UNC5A: variants seen among roughly 807,000 people sequenced by gnomAD.
UNC5A encodes the protein netrin receptor UNC5A.
UNC5A carries 20 observed loss-of-function variants against 87.4 expected under a neutral mutation model. That is an observed-to-expected ratio of 0.23 (90% CI 0.16 to 0.33). The LOEUF (loss-of-function observed/expected upper bound fraction) is 0.33, where lower values mean the gene tolerates loss of function less well. Ranked by LOEUF, UNC5A falls within the 10% of genes least tolerant of loss-of-function variation. The pLI is 1.00. For missense variants in UNC5A, 844 were observed against 1,133.4 expected (o/e 0.74, Z 3.67); for synonymous variants, 438 against 482.3 (o/e 0.91, Z 1.20).
In UNC5A at chr5:176,842,452, C is replaced by T. The variant is rs550296883; in HGVS notation, c.71-20172C>T. Reference sequence around the variant, plus strand: ...AATTCACAATTGCACAGTCGTGGAACCAACTCAAATGCCCGTCAATCAACA... The same window carrying T: ...AATTCACAATTGCACAGTCGTGGAATCAACTCAAATGCCCGTCAATCAACA... On this transcript the variant is annotated intron_variant, in intron 1 of 14. Transcript: ENST00000329542. Among the ~76,000 whole-genome samples the T allele has an allele frequency of 2.6e-4, 40 of 151,410 alleles. No individual in the cohort carries two copies. The Middle Eastern group carries it at 0.01, about 39-fold the overall frequency.
chr5:176,874,392 C>T lies in UNC5A; in HGVS notation c.1204C>T (p.Pro402Ser). ...GCTCACCAATGGGCACCTGCTCAGC[C>T]CCCTGGGTGGCGGCCGCCACACACT... ...FQLTNGHLLSPLGGGRHTLHH... is the reference protein window; with the variant it reads ...FQLTNGHLLSSLGGGRHTLHH... Residue 402 changes from proline to serine, a missense_variant, in exon 8 of 15, where the codon CCC becomes TCC. Pro to Ser is a moderately conservative substitution (Grantham distance 74, BLOSUM62 -1). Coordinates refer to ENST00000329542, the MANE Select transcript of UNC5A (RefSeq NM_133369.3). The surrounding 1 kb of genome is among the most constrained non-coding windows in gnomAD (Gnocchi z 7.6). The T allele has an allele frequency of 6.2e-7, 1 of 1,613,770 alleles. No individual in the cohort carries two copies. The highest frequency in any genetic ancestry group is 8.5e-7 in the Non-Finnish European group (1 of 1,179,962).
intron 1 of UNC5A, among the ~76,000 whole-genome samples, chr5:176,856,630 G>A (rs1331054935): frequency 6.6e-6 from 1 of 152,144 alleles, no homozygotes; most frequent in Non-Finnish European, 1.5e-5. Flanking sequence ...GACAAAAAGT[G>A]TGGATCCAGA....
intron 1 of UNC5A, among the ~76,000 whole-genome samples, chr5:176,811,746 G>A (rs969081240): frequency 1.3e-5 from 2 of 152,100 alleles, no homozygotes; most frequent in African/African-American, 4.8e-5. Flanking sequence ...TGGTGGTGGG[G>A]GGTGGGTGCC....
chr5:176,867,211 C>CT (rs1227600776), intron 2 of UNC5A, among the ~76,000 whole-genome samples: 1 of 152,194 alleles, frequency 6.6e-6, no homozygotes, highest in Non-Finnish European at 1.5e-5. Flanking sequence ...AGCAAACAGT[C>CT]TTTTCTCACT....
intron 1 of UNC5A, among the ~76,000 whole-genome samples, chr5:176,830,671 TGTGGGAGTGTGTGCTG>T (rs1756988010): frequency 1.4e-5 from 2 of 140,876 alleles, no homozygotes; most frequent in Admixed American, 7.1e-5. Flanking sequence ...TGCTGGTGTG[TGTGGGAGTGTGTGCTG>T]GCATGTGTGT....
intron 2 of UNC5A, among the ~76,000 whole-genome samples, chr5:176,864,129 C>T (rs571490894): frequency 3.1e-4 from 47 of 152,074 alleles, no homozygotes; most frequent in African/African-American, 1.1e-3. Context: ...AAGGGCAGGC[C>T]GGGGACCTTG....
chr5:176,854,797 G>A lies in UNC5A; in HGVS notation c.71-7827G>A, dbSNP rs532707931. Among the ~76,000 whole-genome samples, 81 of 152,346 alleles carry A rather than the reference G, an allele frequency of 5.3e-4. No individual in the cohort carries two copies. In the Middle Eastern group the frequency reaches 0.01, roughly 19 times the overall value. The stretch of plus-strand genomic sequence containing the variant: ...CAGGCTGTGGGGATGGGTGGTCCCT[G>A]CCCTCAAGGCCCTGACAATTTATAT... On this transcript the variant is annotated intron_variant, in intron 1 of 14. Transcript: ENST00000329542.
Position 176,868,884 on chromosome 5 carries a change from C to T in UNC5A, c.641C>T (p.Ala214Val). Reference protein sequence around the residue: ...HSLVVRQARLADTANYTCVAK... With the variant: ...HSLVVRQARLVDTANYTCVAK... ...CTGGTGGTGCGACAGGCCCGCCTTG[C>T]TGACACGGCCAACTACACCTGCGTG... Residue 214 changes from alanine (A) to valine (V), a missense_variant, in exon 5 of 15, where the codon GCT (alanine) becomes GTT (valine). Physicochemically the swap from Ala to Val is moderately conservative, Grantham distance 64. Around this residue, in one of 3 missense-constraint regions of UNC5A, gnomAD observed 314 missense variants for 466.5 expected, o/e 0.67. Coordinates refer to ENST00000329542, the MANE Select transcript of UNC5A (RefSeq NM_133369.3). 6.2e-7 allele frequency: 1 copy of T among 1,612,868 alleles called. No individual in the cohort carries two copies. The highest frequency in any genetic ancestry group is 8.5e-7 in the Non-Finnish European group (1 of 1,179,860).
chr5:176,866,575 A>T lies in UNC5A; in HGVS notation c.293-1555A>T, dbSNP rs1430379061. 6.6e-6 allele frequency among the ~76,000 whole-genome samples: 1 copy of T among 152,162 alleles called. No individual in the cohort carries two copies. Among genetic ancestry groups the T allele is most frequent in the Admixed American group, 6.5e-5 (1 of 15,282 alleles). On this transcript the variant is annotated intron_variant, in intron 2 of 14. Coordinates refer to ENST00000329542, the MANE Select transcript of UNC5A (RefSeq NM_133369.3). This position sits in a 1 kb window ranked among gnomAD's most constrained non-coding sequence, Gnocchi z 5.0. ...GGAGGAACCATTAACAGACTTGTCC[A>T]CCCAAGGGAGAAAAAGTACCCAGTT...
intron 1 of UNC5A, among the ~76,000 whole-genome samples, chr5:176,845,621 G>A (rs921920170): frequency 1.3e-5 from 2 of 152,188 alleles, no homozygotes; most frequent in Non-Finnish European, 2.9e-5. Context: ...TCTGTACTGC[G>A]GTGAGCCAGG....
At chr5:176,864,126 G>A (rs996077154) in intron 2 of UNC5A, among the ~76,000 whole-genome samples, 6 of 151,988 alleles carry the variant, frequency 3.9e-5, no homozygotes, top group African/African-American at 1.4e-4. Context: ...GCCAAGGGCA[G>A]GCCGGGGACC....
intron 1 of UNC5A, among the ~76,000 whole-genome samples, chr5:176,837,223 A>G (rs1326794621): frequency 6.6e-6 from 1 of 151,812 alleles, no homozygotes; most frequent in African/African-American, 2.4e-5. Context: ...TTCTGTCTCC[A>G]GCTTGCCCCT....
At chr5:176,864,941 C>A in intron 2 of UNC5A, 1 of 419,174 alleles carries the variant, frequency 2.4e-6, no homozygotes. Context: ...AGCAGCAGGG[C>A]CCACCTTGTC....
chr5:176,848,235 A>G lies in UNC5A; in HGVS notation c.71-14389A>G, dbSNP rs1232691836. On this transcript the variant is annotated intron_variant, in intron 1 of 14. Transcript: ENST00000329542. This position sits in a 1 kb window ranked among gnomAD's most constrained non-coding sequence, Gnocchi z 5.8. ...CAGCCTGGTGTGACATCCTTTAGGG[A>G]CCCTTGGGGAGGGGGTACCCCAGCT... Among the ~76,000 whole-genome samples the G allele has an allele frequency of 6.6e-6, 1 of 151,520 alleles. No homozygotes were observed. Among genetic ancestry groups the G allele is most frequent in the Non-Finnish European group, 1.5e-5 (1 of 67,838 alleles).
At chr5:176,868,050 G>A (rs1758016808) in intron 2 of UNC5A, 80 bp from the exon 3 acceptor site, 1 of 1,402,296 alleles carries the variant, frequency 7.1e-7, no homozygotes, top group Non-Finnish European at 9.7e-7. Context: ...AGCGAGAGTG[G>A]CTGAGGGTGG....
chr5:176,839,219 A>G (rs1757211329), intron 1 of UNC5A, among the ~76,000 whole-genome samples: 2 of 152,202 alleles, frequency 1.3e-5, no homozygotes, highest in Non-Finnish European at 2.9e-5. Context: ...CACAGCACCT[A>G]GCACATGCTC....
Position 176,820,648 on chromosome 5 carries a change from C to T in UNC5A, c.70+9828C>T, listed in dbSNP as rs1411877554. ...CTGGTCCATGGGGATCCCAGCAGGC[C>T]TCTCACGGTCCCTCCTTCCTTTGGT... On this transcript the variant is annotated intron_variant, in intron 1 of 14. Transcript: ENST00000329542. 2.0e-5 allele frequency among the ~76,000 whole-genome samples: 3 copies of T among 152,200 alleles called. No homozygotes were observed. The East Asian group carries it at 5.8e-4, about 29-fold the overall frequency.
intron 1 of UNC5A, among the ~76,000 whole-genome samples, chr5:176,823,555 T>G (rs1274503852): frequency 6.6e-6 from 1 of 151,974 alleles, no homozygotes; most frequent in East Asian, 1.9e-4. Context: ...AAGGTGGATT[T>G]ACTTGGTTCT....
chr5:176,878,631 A>G lies in UNC5A; in HGVS notation c.2176A>G (p.Ile726Val), dbSNP rs747472138. The G allele has an allele frequency of 3.7e-6, 6 of 1,611,596 alleles. No homozygotes were observed. The highest frequency in any genetic ancestry group is 4.2e-6 in the Non-Finnish European group (5 of 1,179,274). The change falls in exon 13 of 15, where the codon ATC becomes GTC. Residue 726 changes from isoleucine to valine, a missense_variant. By Grantham distance (29) the Ile-to-Val change is conservative. Coordinates refer to ENST00000329542, the MANE Select transcript of UNC5A (RefSeq NM_133369.3). The stretch of plus-strand genomic sequence containing the variant: ...GCAGAGCTTCAGCATCAACTTCAAC[A>G]TCACCAAGGTGGACGGGAGGGGCTG... ...DGQSFSINFN[I>V]TKDTRFAELL...
Sources: allele counts gnomAD v4.1 joint callset (sites outside exome capture counted in the v4.1 genomes callset), GRCh38; gene constraint gnomAD v4.1.1; regional missense constraint gnomAD v4.1.1; non-coding constraint Gnocchi (gnomAD v3.1); transcripts MANE v1.5; gene names NCBI Gene and HGNC (gene_info 2026-07-23, HGNC 2026-07-21).